The following BACH1 variants were observed in gnomAD, a reference collection of about 807,000 sequenced individuals.
BACH1 encodes transcription regulator protein BACH1.
BACH1 carries 35 observed loss-of-function variants against 52.9 expected under a neutral mutation model. That is an observed-to-expected ratio of 0.66 (90% confidence interval 0.51 to 0.88). The LOEUF is 0.88. Ranked by LOEUF, BACH1 falls within the 40% of genes least tolerant of loss-of-function variation. The pLI, the probability that BACH1 is intolerant of heterozygous loss-of-function variation, is 0.00. For synonymous variants in BACH1, 321 were observed against 319.6 expected (o/e 1.00, Z -0.05); for missense variants, 808 against 872.6 (o/e 0.93, Z 0.93).
chr21:29,311,056 G>C (rs1408521620), intron 1 of BACH1, among the ~76,000 whole-genome samples: 1 of 152,150 alleles, frequency 6.6e-6, no homozygotes, highest in African/African-American at 2.4e-5. Context: ...GATTCTGTAA[G>C]GCAGAGAACC....
intron 1 of BACH1, among the ~76,000 whole-genome samples, chr21:29,305,992 G>T (rs1569006377): frequency 2.0e-5 from 3 of 152,160 alleles, no homozygotes; most frequent in Non-Finnish European, 4.4e-5. Flanking sequence ...ATGTGCTGTG[G>T]AACCACAGAC....
At chr21:29,346,887 A>T (rs1257511635), downstream of BACH1, among the ~76,000 whole-genome samples, 1 of 152,186 alleles carries the variant, frequency 6.6e-6, no homozygotes, top group African/African-American at 2.4e-5. Context: ...AGAGGAGGCC[A>T]CTTGGCACAA....
chr21:29,306,689 A>G (rs1270188937), intron 1 of BACH1, among the ~76,000 whole-genome samples: 1 of 152,172 alleles, frequency 6.6e-6, no homozygotes, highest in Non-Finnish European at 1.5e-5. Flanking sequence ...ATCCTTGTCT[A>G]CTAGTTCTGC....
At chr21:29,334,600 T>C (rs2089023113) in intron 4 of BACH1, among the ~76,000 whole-genome samples, 1 of 152,198 alleles carries the variant, frequency 6.6e-6, no homozygotes, top group African/African-American at 2.4e-5. Context: ...GAGCCTCGCT[T>C]TTTGCAGAAA....
chr21:29,342,391 C>T lies in BACH1; in HGVS notation c.1777-8C>T. 1 of 1,609,238 alleles carries T rather than the reference C, an allele frequency of 6.2e-7. No individual in the cohort carries two copies. The highest frequency in any genetic ancestry group is 8.5e-7 in the Non-Finnish European group (1 of 1,177,098). ...CAAGCCATTGTGTTCTCTTTCCCCA[C>T]TTCACAGCAAAGTGAAAAGGAGAGC... On this transcript the variant is annotated splice_region_variant and splice_polypyrimidine_tract_variant and intron_variant, in intron 4 of 4. Transcript: ENST00000286800.
chr21:29,317,245 G>C (rs569575701), intron 1 of BACH1, among the ~76,000 whole-genome samples: 2 of 152,178 alleles, frequency 1.3e-5, no homozygotes, highest in African/African-American at 4.8e-5. Context: ...CCCATCCCTG[G>C]TGCCAAAAAG....
chr21:29,328,079 C>T (rs554443096), intron 3 of BACH1, among the ~76,000 whole-genome samples: 3 of 152,300 alleles, frequency 2.0e-5, no homozygotes, highest in Admixed American at 2.0e-4. Flanking sequence ...CCAACAAGAA[C>T]CTCTAGACCT....
chr21:29,361,342 A>C (rs996103602), intron 2 of BACH1: 2 of 152,228 alleles, frequency 1.3e-5, no homozygotes, highest in East Asian at 1.9e-4. Flanking sequence ...GATATTATAC[A>C]GCTTGCTTTA....
At chr21:29,318,340 A>G (rs927293916) in intron 1 of BACH1, among the ~76,000 whole-genome samples, 2 of 152,204 alleles carry the variant, frequency 1.3e-5, no homozygotes, top group Non-Finnish European at 2.9e-5. Context: ...GAGATTGGAT[A>G]GAGGTGCCCA....
chr21:29,328,718 G>T (rs1347424351), intron 3 of BACH1, among the ~76,000 whole-genome samples: 1 of 151,886 alleles, frequency 6.6e-6, no homozygotes, highest in Non-Finnish European at 1.5e-5. Context: ...CCTCTCCCTA[G>T]CCCCTGGCAA....
At chr21:29,358,770 A>AAAAAGAAAGAAAGAAAG (rs1555888602) in intron 2 of BACH1, among the ~76,000 whole-genome samples, 2 of 108,890 alleles carry the variant, frequency 1.8e-5, no homozygotes, top group African/African-American at 6.7e-5. Context: ...AAAAGAAAAG[A>AAAAAGAAAGAAAGAAAG]AAAGAAAGAA....
At chr21:29,337,749 C>T (rs892731149) in intron 4 of BACH1, among the ~76,000 whole-genome samples, 84 of 152,004 alleles carry the variant, frequency 5.5e-4, no homozygotes, top group African/African-American at 1.7e-3. Context: ...CCTAATGTGC[C>T]GGGTGCGGTG....
In BACH1 at chr21:29,326,251, A is replaced by C; in HGVS notation, c.427A>C (p.Lys143Gln). 1 of 1,614,132 alleles carries C rather than the reference A, an allele frequency of 6.2e-7. No individual in the cohort carries two copies. The highest frequency in any genetic ancestry group is 8.5e-7 in the Non-Finnish European group (1 of 1,180,014). The stretch of plus-strand genomic sequence containing the variant: ...TGCAGACCAGCAAGAATGCCCAAGA[A>C]AAAAATGCTTTTCATCACACTGTCA... Reference protein sequence around the residue: ...STADQQECPRKKCFSSHCQKT... With the variant: ...STADQQECPRQKCFSSHCQKT... The change falls in exon 3 of 5, where the codon AAA becomes CAA. Residue 143 changes from lysine (K) to glutamine (Q), a missense_variant. Coordinates refer to ENST00000286800, the MANE Select transcript of BACH1 (RefSeq NM_001186.4).
intron 4 of BACH1, among the ~76,000 whole-genome samples, chr21:29,332,320 A>G (rs1395506054): frequency 6.6e-6 from 1 of 152,166 alleles, no homozygotes; most frequent in Non-Finnish European, 1.5e-5. Context: ...TTCTGTCATC[A>G]TAGTAAGGTT....
intron 4 of BACH1, among the ~76,000 whole-genome samples, chr21:29,330,976 C>T (rs1260169759): frequency 2.0e-5 from 3 of 150,422 alleles, no homozygotes; most frequent in African/African-American, 7.3e-5. Flanking sequence ...ACAAAAAACC[C>T]AAACACCGAC....
intron 4 of BACH1, among the ~76,000 whole-genome samples, chr21:29,334,161 G>C (rs546291106): frequency 2.0e-5 from 3 of 150,666 alleles, no homozygotes; most frequent in Non-Finnish European, 4.4e-5. Context: ...GCTGGAGGTC[G>C]GTCTTGGCTC....
intron 2 of BACH1, among the ~76,000 whole-genome samples, chr21:29,352,409 A>G (rs1183553728): frequency 6.6e-6 from 1 of 152,152 alleles, no homozygotes; most frequent in Non-Finnish European, 1.5e-5. Flanking sequence ...GCCAAAGGAA[A>G]ATTACTTAAT....
intron 4 of BACH1, among the ~76,000 whole-genome samples, chr21:29,337,379 T>C (rs1178041666): frequency 6.6e-6 from 1 of 152,228 alleles, no homozygotes; most frequent in African/African-American, 2.4e-5. Flanking sequence ...TTCATATATA[T>C]CAGGCTTCAG....
At chr21:29,358,825 G>GAA (rs1341831401) in intron 2 of BACH1, among the ~76,000 whole-genome samples, 2 of 146,012 alleles carry the variant, frequency 1.4e-5, no homozygotes, top group East Asian at 3.9e-4. Flanking sequence ...AAGAAAGAAA[G>GAA]AAATGTAAAA....
Sources: allele counts gnomAD v4.1 joint callset (sites outside exome capture counted in the v4.1 genomes callset), GRCh38; gene constraint gnomAD v4.1.1; transcripts MANE v1.5; gene names NCBI Gene and HGNC (gene_info 2026-07-23, HGNC 2026-07-21).